The following PLCL1 variants were observed in gnomAD, a reference collection of about 807,000 sequenced individuals.
PLCL1 encodes the protein inactive phospholipase C-like protein 1.
In PLCL1, 41 loss-of-function variants were observed where a neutral mutation model predicts 84.4. The ratio of observed to expected loss-of-function variants is 0.49; its 90% CI spans 0.38 to 0.63. The LOEUF (loss-of-function observed/expected upper bound fraction) is 0.63. PLCL1 is among the 30% of genes least tolerant of loss of function. PLCL1 has a pLI of 0.00. For missense variants in PLCL1, 1,206 were observed against 1,367.8 expected (o/e 0.88, Z 1.87); for synonymous variants, 490 against 488.3 (o/e 1.00, Z -0.05).
At chr2:197,816,050 G>C (rs911376050) in intron 1 of PLCL1, among the ~76,000 whole-genome samples, 2 of 152,146 alleles carry the variant, frequency 1.3e-5, no homozygotes, top group Non-Finnish European at 2.9e-5. Context: ...AAAGAGGTTA[G>C]TTGTGAGTAA....
chr2:197,947,410 A>C (rs1212727703), intron 1 of PLCL1, among the ~76,000 whole-genome samples: 2 of 151,990 alleles, frequency 1.3e-5, no homozygotes, highest in African/African-American at 4.8e-5. Context: ...GTGGGAAACA[A>C]ATTTTCAGGT....
chr2:197,953,623 G>T (rs956104914), intron 1 of PLCL1, among the ~76,000 whole-genome samples: 1 of 151,956 alleles, frequency 6.6e-6, no homozygotes, highest in Non-Finnish European at 1.5e-5. Flanking sequence ...TTGGAGTTCA[G>T]GTCTGAAGGT....
At chr2:197,823,136 C>A (rs1690851044) in intron 1 of PLCL1, among the ~76,000 whole-genome samples, 3 of 152,132 alleles carry the variant, frequency 2.0e-5, no homozygotes. Context: ...GTGATCCTCC[C>A]ATCTTGGCCT....
At chr2:198,013,341 G>T (rs1690914482) in intron 1 of PLCL1, among the ~76,000 whole-genome samples, 1 of 152,108 alleles carries the variant, frequency 6.6e-6, no homozygotes, top group Non-Finnish European at 1.5e-5. Context: ...GTTTGTGATT[G>T]TAAGTGCTGA....
chr2:197,923,108 G>A (rs905129231), intron 1 of PLCL1, among the ~76,000 whole-genome samples: 1 of 144,280 alleles, frequency 6.9e-6, no homozygotes, highest in African/African-American at 2.6e-5. Flanking sequence ...TACCGGACGG[G>A]GCGGCTGGCC....
chr2:197,999,640 C>T (rs181665494), intron 1 of PLCL1, among the ~76,000 whole-genome samples: 12 of 152,260 alleles, frequency 7.9e-5, no homozygotes, highest in South Asian at 4.2e-4. Context: ...ATGTATAGGG[C>T]GTTGCTGCCC....
chr2:197,869,618 G>C (rs777352789), intron 1 of PLCL1, among the ~76,000 whole-genome samples: 1 of 152,242 alleles, frequency 6.6e-6, no homozygotes, highest in South Asian at 2.1e-4. Context: ...CAACTGCCAC[G>C]GGTGGTACAG....
At chr2:197,977,295 C>T (rs777338644) in intron 1 of PLCL1, among the ~76,000 whole-genome samples, 2 of 151,990 alleles carry the variant, frequency 1.3e-5, no homozygotes, top group Non-Finnish European at 2.9e-5. Context: ...CTCACCTAAC[C>T]CCCTGTTGTC....
rs1390988680 is a variant in PLCL1, at chr2:198,103,756, A to G, written c.2996-71A>G. On this transcript the variant is annotated intron_variant, in intron 4 of 5. Coordinates refer to ENST00000428675, the MANE Select transcript of PLCL1 (RefSeq NM_006226.4). ...AATGTGAAATTATATTTTACTGATA[A>G]TATTTTCATTATAAGATGCCCATTT... 8.7e-6 allele frequency: 6 copies of G among 685,972 alleles called. No homozygotes were observed. The African/African-American group carries it at 1.1e-4, about 13-fold the overall frequency. The allele number at this position is 685,972 out of a possible 1,614,324, so 42.5% of individuals were successfully genotyped here.
intron 1 of PLCL1, among the ~76,000 whole-genome samples, chr2:197,991,225 C>A (rs566562608): frequency 1.3e-5 from 2 of 152,120 alleles, no homozygotes; most frequent in Non-Finnish European, 2.9e-5. Context: ...TGGGACCTCT[C>A]ATCTCATCTT....
intron 1 of PLCL1, among the ~76,000 whole-genome samples, chr2:197,985,335 T>C (rs1690199931): frequency 6.6e-6 from 1 of 152,232 alleles, no homozygotes; most frequent in Non-Finnish European, 1.5e-5. Flanking sequence ...TGCAGTGTTT[T>C]GTTAATTATA....
intron 1 of PLCL1, among the ~76,000 whole-genome samples, chr2:198,050,659 T>C (rs1044178274): frequency 2.0e-5 from 3 of 152,208 alleles, no homozygotes; most frequent in African/African-American, 7.2e-5. Flanking sequence ...GCTTAGGTGG[T>C]GATATTTAAG....
rs911311024 is a variant in PLCL1, at chr2:197,823,793, T to C, written c.240+18454T>C. Among the ~76,000 whole-genome samples the C allele has an allele frequency of 1.4e-3, 215 of 152,272 alleles. 1 individual carries two copies. Among genetic ancestry groups the C allele is most frequent in the Middle Eastern group, 3.4e-3 (1 of 294 alleles). On this transcript the variant is annotated intron_variant, in intron 1 of 5. Coordinates refer to ENST00000428675, the MANE Select transcript of PLCL1 (RefSeq NM_006226.4). ...GAAACTTTGATTTGAGTTGATATAG[T>C]AAGTAGTTACTTGTTTTACGCTTCA...
intron 5 of PLCL1, 49 bp from the exon 6 acceptor site, chr2:198,146,731 G>A (rs73063062): frequency 0.013 from 20,262 of 1,506,526 alleles, 200 homozygotes; most frequent in African/African-American, 0.019. Flanking sequence ...CTCAGCACAT[G>A]CCTGGCCCAT....
At chr2:198,015,258 AGCATTTAGTGG>A (rs1237102565) in intron 1 of PLCL1, among the ~76,000 whole-genome samples, 1 of 152,164 alleles carries the variant, frequency 6.6e-6, no homozygotes, top group Non-Finnish European at 1.5e-5. Context: ...ATAATGAAGA[AGCATTTAGTGG>A]GACCCCACAA....
chr2:198,033,756 C>T (rs2105851762), intron 1 of PLCL1, among the ~76,000 whole-genome samples: 1 of 152,214 alleles, frequency 6.6e-6, no homozygotes, highest in East Asian at 1.9e-4. Flanking sequence ...TGATTTATTG[C>T]TGCTGCCTCT....
intron 1 of PLCL1, among the ~76,000 whole-genome samples, chr2:197,964,943 A>T (rs1689698638): frequency 6.6e-6 from 1 of 152,092 alleles, no homozygotes; most frequent in South Asian, 2.1e-4. Flanking sequence ...CTTGGTCATG[A>T]TGAATGATTT....
Position 198,149,720 on chromosome 2 carries a change from T to C in PLCL1, c.*2758T>C, listed in dbSNP as rs2105954302. On this transcript the variant is annotated 3_prime_UTR_variant, in exon 6 of 6. Coordinates refer to ENST00000428675, the MANE Select transcript of PLCL1 (RefSeq NM_006226.4). ...TTGATTTATATCCCTTTAGACACTG[T>C]TTAGAGTTTATACATATATGTAAAT... 1 of 152,282 alleles carries C rather than the reference T, an allele frequency of 6.6e-6. No homozygotes were observed. Among genetic ancestry groups the C allele is most frequent in the South Asian group, 2.1e-4 (1 of 4,832 alleles). The allele number at this position is 152,282 out of a possible 1,614,324, so 9.4% of individuals were successfully genotyped here. A position where few individuals can be genotyped will look rare whatever the true frequency, so the allele number is the denominator to read the frequency against.
At chr2:197,949,623 T>A (rs973309742) in intron 1 of PLCL1, among the ~76,000 whole-genome samples, 2 of 152,054 alleles carry the variant, frequency 1.3e-5, no homozygotes, top group African/African-American at 4.8e-5. Context: ...TACCCTTACA[T>A]AACAAGGGGA....
Sources: allele counts gnomAD v4.1 joint callset (sites outside exome capture counted in the v4.1 genomes callset), GRCh38; gene constraint gnomAD v4.1.1; transcripts MANE v1.5; gene names NCBI Gene and HGNC (gene_info 2026-07-23, HGNC 2026-07-21).